Variants in SRBD1 observed in about 807,000 individuals in gnomAD.
SRBD1 encodes S1 RNA-binding domain-containing protein 1.
In SRBD1, 88 loss-of-function variants were observed where a neutral mutation model predicts 115.3. The observed-to-expected ratio is 0.76, with a 90% CI of 0.64 to 0.91. The LOEUF (loss-of-function observed/expected upper bound fraction) is 0.91. Among genes scored for constraint, SRBD1 ranks in the 40% least tolerant of loss-of-function variants. SRBD1 has a pLI of 0.00. For missense variants in SRBD1, 1,385 were observed against 1,177.4 expected (o/e 1.18, Z -2.58); for synonymous variants, 509 against 407.7 (o/e 1.25, Z -2.99).
At chr2:45,565,982 T>C (rs1412931436) in intron 9 of SRBD1, among the ~76,000 whole-genome samples, 1 of 152,158 alleles carries the variant, frequency 6.6e-6, no homozygotes, top group Non-Finnish European at 1.5e-5. Flanking sequence ...AAAAATTATA[T>C]ACAAATGACT....
chr2:45,477,073 A>T lies in SRBD1; in HGVS notation c.1969T>A (p.Ser657Thr). The change falls in exon 16 of 21, where the codon TCC (serine) becomes ACC (threonine). Residue 657 changes from serine to threonine, a missense_variant and splice_region_variant. By Grantham distance (58) the Ser-to-Thr change is moderately conservative. Coordinates refer to ENST00000263736, the MANE Select transcript of SRBD1 (RefSeq NM_018079.5). ...GLDPNLRSAVSIARRVQDPLA... is the reference protein window; with the variant it reads ...GLDPNLRSAVTIARRVQDPLA... ...GGATCTTGTACACGCCTTGCTATGG[A>T]AACTGAAAAAACAGAATCAGAAAAC... The T allele has an allele frequency of 6.2e-7, 1 of 1,613,182 alleles. No individual in the cohort carries two copies. The highest frequency in any genetic ancestry group is 8.5e-7 in the Non-Finnish European group (1 of 1,179,674).
chr2:45,555,144 G>A lies in SRBD1; in HGVS notation c.1410-1414C>T, dbSNP rs771148266. On this transcript the variant is annotated intron_variant, in intron 10 of 20. Transcript: ENST00000263736. ...ACTCACATCTGTAATCCCAGAGTAT[G>A]GCCTTCCAGAGGCCAAAGTGGGAGG... 2.6e-5 allele frequency among the ~76,000 whole-genome samples: 4 copies of A among 152,292 alleles called. No individual in the cohort carries two copies. The South Asian group carries it at 8.3e-4, about 32-fold the overall frequency.
intron 1 of SRBD1, among the ~76,000 whole-genome samples, chr2:45,608,075 A>G (rs72882496): frequency 0.013 from 2,052 of 152,272 alleles, 44 homozygotes; most frequent in African/African-American, 0.047. Flanking sequence ...AGACTACCAT[A>G]TACTAATTCT....
intron 1 of SRBD1, among the ~76,000 whole-genome samples, chr2:45,606,749 G>C (rs1030245737): frequency 1.3e-5 from 2 of 152,122 alleles, no homozygotes; most frequent in Non-Finnish European, 2.9e-5. Context: ...AGATTAATTA[G>C]CTGTTAAAAT....
intron 20 of SRBD1, among the ~76,000 whole-genome samples, chr2:45,389,929 A>G (rs537365449): frequency 6.6e-6 from 1 of 152,304 alleles, no homozygotes; most frequent in South Asian, 2.1e-4. Context: ...CAAATATACA[A>G]AGCTAAACCA....
At chr2:45,547,704 A>G in intron 12 of SRBD1, 92 bp from the exon 13 acceptor site, 1 of 1,032,780 alleles carries the variant, frequency 9.7e-7, no homozygotes. Flanking sequence ...ACAGAAAAGG[A>G]GACTGGCTTG....
At chr2:45,457,721 G>A (rs1669196996) in intron 16 of SRBD1, among the ~76,000 whole-genome samples, 1 of 152,004 alleles carries the variant, frequency 6.6e-6, no homozygotes, top group African/African-American at 2.4e-5. Context: ...TAGCCACCTG[G>A]TGAAATCACT....
intron 19 of SRBD1, among the ~76,000 whole-genome samples, chr2:45,397,608 T>C (rs1314401028): frequency 6.6e-6 from 1 of 152,136 alleles, no homozygotes; most frequent in African/African-American, 2.4e-5. Flanking sequence ...GAGGAATCTT[T>C]TCAAACTTTT....
At chr2:45,497,909 C>A (rs1558435328) in intron 14 of SRBD1, among the ~76,000 whole-genome samples, 1 of 152,058 alleles carries the variant, frequency 6.6e-6, no homozygotes, top group Non-Finnish European at 1.5e-5. Flanking sequence ...TGACATGCAC[C>A]TGTAATCCCA....
chr2:45,562,839 G>A (rs1404556417), intron 9 of SRBD1, 83 bp from the exon 10 acceptor site: 2 of 814,054 alleles, frequency 2.5e-6, no homozygotes, highest in African/African-American at 1.8e-5. Context: ...ACAGCTATAT[G>A]AATTTTTTAC....
intron 2 of SRBD1, among the ~76,000 whole-genome samples, chr2:45,603,873 G>A (rs943866812): frequency 5.3e-5 from 8 of 151,902 alleles, no homozygotes; most frequent in Admixed American, 2.6e-4. Context: ...GACCTTCCCC[G>A]CTTGAGCTCA....
intron 16 of SRBD1, among the ~76,000 whole-genome samples, chr2:45,462,761 G>A (rs1306228869): frequency 6.6e-6 from 1 of 151,942 alleles, no homozygotes; most frequent in Non-Finnish European, 1.5e-5. Context: ...GGGAGGCAGA[G>A]CTTGCAGTGA....
At chr2:45,562,584 A>G in intron 10 of SRBD1, 69 bp downstream of exon 10, 1 of 1,246,262 alleles carries the variant, frequency 8.0e-7, no homozygotes. Flanking sequence ...ACATATCAGT[A>G]CATATAGATA....
At chr2:45,418,276 AG>A in intron 18 of SRBD1, 88 bp downstream of exon 18, 2 of 1,468,920 alleles carry the variant, frequency 1.4e-6, no homozygotes. Context: ...ATGGACACTT[AG>A]AAAATTTTAC....
chr2:45,577,412 A>C (rs1673213528), intron 7 of SRBD1, among the ~76,000 whole-genome samples: 1 of 152,152 alleles, frequency 6.6e-6, no homozygotes, highest in Admixed American at 6.5e-5. Context: ...CTTACAATGA[A>C]ATCTTCCCAG....
At chr2:45,390,657 T>G (rs897704774) in intron 20 of SRBD1, among the ~76,000 whole-genome samples, 15 of 152,148 alleles carry the variant, frequency 9.9e-5, no homozygotes, top group African/African-American at 1.4e-4. Flanking sequence ...ACCCATTCCA[T>G]TTCCTTTTCC....
chr2:45,595,788 T>C (rs1434797988), intron 4 of SRBD1, among the ~76,000 whole-genome samples: 5 of 152,174 alleles, frequency 3.3e-5, no homozygotes, highest in East Asian at 1.9e-4. Flanking sequence ...ACTGGTTAAA[T>C]AAAAAGAACC....
intron 3 of SRBD1, among the ~76,000 whole-genome samples, chr2:45,600,529 C>T (rs997808164): frequency 1.3e-5 from 2 of 152,178 alleles, no homozygotes; most frequent in Non-Finnish European, 2.9e-5. Flanking sequence ...ACACATGCCA[C>T]CAATTTCTGC....
chr2:45,518,008 A>C (rs1306993975), intron 14 of SRBD1, among the ~76,000 whole-genome samples: 1 of 152,138 alleles, frequency 6.6e-6, no homozygotes, highest in East Asian at 1.9e-4. Flanking sequence ...AAAAATAATG[A>C]TGATGATGAT....
Sources: gnomAD v4.1 joint callset for allele counts (sites outside exome capture counted in the v4.1 genomes callset) on GRCh38, gnomAD v4.1.1 for gene constraint, MANE v1.5 for transcripts, NCBI Gene and HGNC (gene_info 2026-07-23, HGNC 2026-07-21) for gene names.